Variants in PCSK5 observed in about 807,000 individuals in gnomAD.
The protein encoded by PCSK5 is proprotein convertase subtilisin/kexin type 5.
PCSK5 carries 129 observed loss-of-function variants against 233.2 expected under a neutral mutation model. The ratio of observed to expected loss-of-function variants is 0.55; its 90% CI spans 0.48 to 0.64. The LOEUF is 0.64. Ranked by LOEUF, PCSK5 falls within the 30% of genes least tolerant of loss-of-function variation. The probability of loss-of-function intolerance (pLI) is 0.00; values close to 1 mark genes in which losing one functional copy is unlikely to be tolerated. For synonymous variants in PCSK5, 825 were observed against 879.2 expected (o/e 0.94, Z 1.09); for missense variants, 2,076 against 2,430.1 (o/e 0.85, Z 3.06).
At chr9:76,239,601 C>T (rs1826365112) in intron 23 of PCSK5, among the ~76,000 whole-genome samples, 1 of 149,206 alleles carries the variant, frequency 6.7e-6, no homozygotes, top group African/African-American at 2.5e-5. Context: ...GAGGTTGAGG[C>T]AGGAGAATGG....
At chr9:76,062,248 C>A (rs1830055361) in intron 5 of PCSK5, among the ~76,000 whole-genome samples, 1 of 150,200 alleles carries the variant, frequency 6.7e-6, no homozygotes, top group African/African-American at 2.5e-5. Flanking sequence ...AGCCCGTCTC[C>A]TAAAAAAAAA....
chr9:76,169,086 A>G (rs776702394), intron 12 of PCSK5, among the ~76,000 whole-genome samples: 4 of 152,192 alleles, frequency 2.6e-5, no homozygotes, highest in Non-Finnish European at 5.9e-5. Context: ...TCCATTTTCA[A>G]TCTGTGATTG....
chr9:75,975,362 C>T (rs1176785722), intron 2 of PCSK5, among the ~76,000 whole-genome samples: 1 of 151,972 alleles, frequency 6.6e-6, no homozygotes, highest in Non-Finnish European at 1.5e-5. Context: ...ATGACCATTG[C>T]TTATGAGCTA....
chr9:76,240,830 A>G (rs969293206), intron 24 of PCSK5, 146 bp downstream of exon 24: 3 of 636,314 alleles, frequency 4.7e-6, no homozygotes, highest in Non-Finnish European at 5.7e-6. Flanking sequence ...GGCTTTCTTC[A>G]ATACAAACAG....
At position 76,362,576 on chromosome 9, in the gene PCSK5, T is replaced by C. The variant is rs935059090; in HGVS notation, c.*3654T>C. ...TCAATCTAAGGGAGGAAACCACCCC[T>C]CATATTGTCTTATGCCCAATTTCTG... On this transcript the variant is annotated 3_prime_UTR_variant, in exon 38 of 38. Coordinates refer to ENST00000674117, the MANE Select transcript of PCSK5 (RefSeq NM_001372043.1). Among the ~76,000 whole-genome samples the C allele has an allele frequency of 1.3e-5, 2 of 152,192 alleles. No individual in the cohort carries two copies.
chr9:76,131,559 A>G (rs1822761052), intron 9 of PCSK5, among the ~76,000 whole-genome samples: 1 of 152,086 alleles, frequency 6.6e-6, no homozygotes, highest in Admixed American at 6.6e-5. Flanking sequence ...AGGTTTTGCT[A>G]CTCAGCATGA....
chr9:76,088,914 T>G (rs1264007350), intron 7 of PCSK5, among the ~76,000 whole-genome samples: 5 of 145,480 alleles, frequency 3.4e-5, no homozygotes, highest in East Asian at 2.0e-4. Context: ...TTTGGTGGTG[T>G]TCGTGAGGTT....
chr9:76,278,961 T>C (rs977302847), intron 24 of PCSK5, among the ~76,000 whole-genome samples: 11 of 152,028 alleles, frequency 7.2e-5, no homozygotes, highest in African/African-American at 2.7e-4. Context: ...GTGCACATTG[T>C]GCAGGTTAGT....
At chr9:76,147,671 T>C (rs1012450029) in intron 10 of PCSK5, among the ~76,000 whole-genome samples, 2 of 152,164 alleles carry the variant, frequency 1.3e-5, no homozygotes, top group African/African-American at 4.8e-5. Context: ...TCGCCCCCCA[T>C]ATGTAATGAA....
chr9:75,998,364 C>G (rs757234534), intron 3 of PCSK5, among the ~76,000 whole-genome samples: 6 of 152,200 alleles, frequency 3.9e-5, no homozygotes, highest in Non-Finnish European at 7.3e-5. Flanking sequence ...AAAACAAACA[C>G]TGTGCATGTT....
At chr9:76,080,954 C>T (rs565938308) in intron 7 of PCSK5, among the ~76,000 whole-genome samples, 1 of 152,076 alleles carries the variant, frequency 6.6e-6, no homozygotes, top group Non-Finnish European at 1.5e-5. Context: ...GTAACCCTTA[C>T]AGAAGGTCAT....
intron 21 of PCSK5, among the ~76,000 whole-genome samples, chr9:76,232,563 C>G (rs1305285542): frequency 6.6e-6 from 1 of 152,102 alleles, no homozygotes; most frequent in Non-Finnish European, 1.5e-5. Flanking sequence ...CCCTTAAGTC[C>G]CACTAAATTA....
At chr9:76,019,201 C>T (rs1024429009) in intron 3 of PCSK5, among the ~76,000 whole-genome samples, 2 of 151,926 alleles carry the variant, frequency 1.3e-5, no homozygotes, top group African/African-American at 4.8e-5. Context: ...TAGTAAAATG[C>T]TTGGCCATGT....
At chr9:76,356,646 G>T (rs1197724483) in intron 37 of PCSK5, among the ~76,000 whole-genome samples, 1 of 152,148 alleles carries the variant, frequency 6.6e-6, no homozygotes, top group Non-Finnish European at 1.5e-5. Context: ...TACTTTAGAA[G>T]AAGAAACTCG....
intron 28 of PCSK5, among the ~76,000 whole-genome samples, chr9:76,302,959 CTTTTTTTTT>C (rs10552673): frequency 1.1e-5 from 1 of 87,492 alleles, no homozygotes; most frequent in Non-Finnish European, 2.2e-5. Flanking sequence ...CAAAGTGGTT[CTTTTTTTTT>C]TTTTTTTTTT....
intron 1 of PCSK5, among the ~76,000 whole-genome samples, chr9:75,907,647 A>G (rs1826316372): frequency 1.3e-5 from 2 of 152,258 alleles, no homozygotes; most frequent in South Asian, 4.2e-4. Flanking sequence ...TCCTAGGACT[A>G]TTATTGCTTC....
At chr9:76,261,505 A>G (rs980744737) in intron 24 of PCSK5, among the ~76,000 whole-genome samples, 1 of 152,194 alleles carries the variant, frequency 6.6e-6, no homozygotes, top group African/African-American at 2.4e-5. Context: ...CAAATCAAGA[A>G]TGGAATCCCA....
chr9:76,257,932 A>G (rs1230475929), intron 24 of PCSK5, among the ~76,000 whole-genome samples: 1 of 152,244 alleles, frequency 6.6e-6, no homozygotes, highest in African/African-American at 2.4e-5. Context: ...TTCCATAAAG[A>G]CAGTGTGTTC....
At chr9:75,892,733 C>A (rs1346645865) in intron 1 of PCSK5, among the ~76,000 whole-genome samples, 2 of 152,322 alleles carry the variant, frequency 1.3e-5, no homozygotes, top group Non-Finnish European at 1.5e-5. Context: ...CTGCTGTCGC[C>A]GCGTTTAGAA....
Sources: gnomAD v4.1 joint callset for allele counts (sites outside exome capture counted in the v4.1 genomes callset) on GRCh38, gnomAD v4.1.1 for gene constraint, MANE v1.5 for transcripts, NCBI Gene and HGNC (gene_info 2026-07-23, HGNC 2026-07-21) for gene names.